DPYD: variants seen among roughly 807,000 people sequenced by gnomAD.
The protein encoded by DPYD is dihydropyrimidine dehydrogenase [NADP(+)].
DPYD carries 109 observed loss-of-function variants against 116.2 expected under a neutral mutation model. The observed-to-expected ratio is 0.94, with a 90% confidence interval of 0.80 to 1.10. The LOEUF (loss-of-function observed/expected upper bound fraction) is 1.10. Ranked by LOEUF, DPYD falls within the 50% of genes least tolerant of loss-of-function variation. The probability of loss-of-function intolerance (pLI) is 0.00; values close to 1 mark genes in which losing one functional copy is unlikely to be tolerated. For synonymous variants in DPYD, 440 were observed against 432.0 expected (o/e 1.02, Z -0.23); for missense variants, 1,302 against 1,254.5 (o/e 1.04, Z -0.57).
intron 16 of DPYD, among the ~76,000 whole-genome samples, chr1:97,367,775 C>T (rs1390960735): frequency 6.6e-6 from 1 of 152,084 alleles, no homozygotes; most frequent in Non-Finnish European, 1.5e-5. Context: ...ACAATGAAGG[C>T]ACTCAAACCA....
chr1:97,739,556 A>G (rs1271093777), intron 4 of DPYD, among the ~76,000 whole-genome samples: 1 of 152,130 alleles, frequency 6.6e-6, no homozygotes, highest in East Asian at 1.9e-4. Context: ...AATATTAAGA[A>G]ATAAACTTTA....
intron 14 of DPYD, among the ~76,000 whole-genome samples, chr1:97,402,946 T>G (rs1412577944): frequency 2.0e-5 from 3 of 152,098 alleles, no homozygotes; most frequent in African/African-American, 7.2e-5. Context: ...CAGCCTTGAA[T>G]GTCTGAGATA....
intron 14 of DPYD, among the ~76,000 whole-genome samples, chr1:97,421,825 G>T (rs560872919): frequency 6.6e-6 from 1 of 152,246 alleles, no homozygotes; most frequent in African/African-American, 2.4e-5. Context: ...AAGACTCCAT[G>T]GCAAGAGCAT....
chr1:97,904,882 A>T (rs115923460), intron 1 of DPYD, among the ~76,000 whole-genome samples: 1,608 of 152,110 alleles, frequency 0.011, 17 homozygotes, highest in Non-Finnish European at 0.018. Context: ...TCAAAATTCC[A>T]TATCAATCCA....
intron 19 of DPYD, among the ~76,000 whole-genome samples, chr1:97,227,495 A>T (rs1661269748): frequency 6.6e-6 from 1 of 152,012 alleles, no homozygotes; most frequent in Non-Finnish European, 1.5e-5. Context: ...TTGCATGCTT[A>T]TATTAAAATA....
chr1:97,732,392 T>C (rs1426450705), intron 4 of DPYD, among the ~76,000 whole-genome samples: 2 of 151,472 alleles, frequency 1.3e-5, no homozygotes, highest in African/African-American at 4.9e-5. Context: ...GGAGAATGGC[T>C]TGAACCCGGG....
At chr1:97,566,353 A>C (rs984136133) in intron 11 of DPYD, among the ~76,000 whole-genome samples, 1 of 152,186 alleles carries the variant, frequency 6.6e-6, no homozygotes, top group Non-Finnish European at 1.5e-5. Flanking sequence ...GGGGATTAGA[A>C]TATATGATCT....
chr1:97,385,838 G>A (rs539038836), intron 14 of DPYD, among the ~76,000 whole-genome samples: 1 of 152,216 alleles, frequency 6.6e-6, no homozygotes, highest in Admixed American at 6.5e-5. Flanking sequence ...GACTAACACT[G>A]TTTCTCTCTT....
chr1:97,516,086 C>T (rs887258589), intron 12 of DPYD, 145 bp from the exon 13 acceptor site: 17 of 778,906 alleles, frequency 2.2e-5, no homozygotes, highest in Non-Finnish European at 3.2e-5. Flanking sequence ...GGCAAAAAGT[C>T]AGTGAGCAGT....
chr1:97,588,154 C>A (rs1654271192), intron 10 of DPYD, among the ~76,000 whole-genome samples: 2 of 152,006 alleles, frequency 1.3e-5, no homozygotes, highest in South Asian at 4.2e-4. Context: ...AACAGTTAAC[C>A]CTCTCAATAG....
rs77721024 is a variant in DPYD, at chr1:97,567,962, G to A, written c.1339+5798C>T. Among the ~76,000 whole-genome samples the A allele has an allele frequency of 1.4e-3, 218 of 151,928 alleles. 5 individuals are homozygous for A. The East Asian group carries it at 0.039, about 27-fold the overall frequency. On this transcript the variant is annotated intron_variant, in intron 11 of 22. Transcript: ENST00000370192. Reference sequence around the variant, plus strand: ...ATGTATACACGTGCCATGTTGGTGCGCTGCATCTGGATCAAGAAAATTTGG... The same window carrying A: ...ATGTATACACGTGCCATGTTGGTGCACTGCATCTGGATCAAGAAAATTTGG...
chr1:97,603,663 G>C (rs1473581633), intron 8 of DPYD, among the ~76,000 whole-genome samples: 1 of 152,062 alleles, frequency 6.6e-6, no homozygotes, highest in African/African-American at 2.4e-5. Context: ...TATTGTATTA[G>C]TTACTTTCTG....
intron 7 of DPYD, among the ~76,000 whole-genome samples, chr1:97,686,876 G>A (rs962388321): frequency 6.6e-6 from 1 of 152,044 alleles, no homozygotes; most frequent in Admixed American, 6.6e-5. Context: ...TACAGAATGG[G>A]AGAAAATTTT....
intron 20 of DPYD, among the ~76,000 whole-genome samples, chr1:97,162,818 A>C (rs562219549): frequency 6.6e-6 from 1 of 152,024 alleles, no homozygotes; most frequent in African/African-American, 2.4e-5. Flanking sequence ...ACCCTCAGAA[A>C]TAACGCCACA....
intron 14 of DPYD, among the ~76,000 whole-genome samples, chr1:97,420,335 C>T (rs1016116218): frequency 2.1e-4 from 32 of 152,050 alleles, no homozygotes; most frequent in Admixed American, 1.0e-3. Context: ...GAGAACACTT[C>T]GTAATTTTCT....
intron 5 of DPYD, among the ~76,000 whole-genome samples, chr1:97,706,933 T>C (rs933792898): frequency 5.3e-5 from 8 of 152,124 alleles, no homozygotes; most frequent in Admixed American, 5.2e-4. Flanking sequence ...GTCTTCCAAA[T>C]TGGCTGTACC....
At chr1:97,764,171 T>G (rs916764872) in intron 3 of DPYD, among the ~76,000 whole-genome samples, 4 of 147,190 alleles carry the variant, frequency 2.7e-5, no homozygotes, top group Admixed American at 2.0e-4. Flanking sequence ...AAACAAAAAG[T>G]GAAAAAAGGA....
chr1:97,530,058 T>G (rs560997608), intron 12 of DPYD, among the ~76,000 whole-genome samples: 345 of 152,130 alleles, frequency 2.3e-3, no homozygotes, highest in Non-Finnish European at 3.6e-3. Context: ...ATGCCTCATA[T>G]AGAGGGAATC....
Position 97,803,653 on chromosome 1 carries a change from C to T in DPYD, c.233+24461G>A, listed in dbSNP as rs188656179. Among the ~76,000 whole-genome samples, 42 of 151,832 alleles carry T rather than the reference C, an allele frequency of 2.8e-4. No homozygotes were observed. In the East Asian group the frequency reaches 3.3e-3, roughly 12 times the overall value. ...AGAAAAAGATTAACAGCATATATTT[C>T]ATTATTAAAAGACTACAAAGTTCCC... On this transcript the variant is annotated intron_variant, in intron 3 of 22. Coordinates refer to ENST00000370192, the MANE Select transcript of DPYD (RefSeq NM_000110.4).
Sources: gnomAD v4.1 joint callset for allele counts (sites outside exome capture counted in the v4.1 genomes callset) on GRCh38, gnomAD v4.1.1 for gene constraint, MANE v1.5 for transcripts, NCBI Gene and HGNC (gene_info 2026-07-23, HGNC 2026-07-21) for gene names.